YLPM1: variants seen among roughly 807,000 people sequenced by gnomAD.
YLPM1 encodes YLP motif-containing protein 1.
A neutral mutation model predicts 230.0 loss-of-function variants in YLPM1; 99 were observed. That is an observed-to-expected ratio of 0.43 (90% CI 0.37 to 0.51). The LOEUF is 0.51. Among genes scored for constraint, YLPM1 ranks in the 20% least tolerant of loss-of-function variants. The probability of loss-of-function intolerance (pLI) is 0.00; values close to 1 mark genes in which losing one functional copy is unlikely to be tolerated. For missense variants in YLPM1, 2,592 were observed against 2,707.7 expected (o/e 0.96, Z 0.95); for synonymous variants, 984 against 942.5 (o/e 1.04, Z -0.81).
Position 74,821,107 on chromosome 14 carries a change from G to C in YLPM1, c.6081G>C (p.Lys2027Asn). 1 of 1,547,334 alleles carries C rather than the reference G, an allele frequency of 6.5e-7. No homozygotes were observed. The highest frequency in any genetic ancestry group is 2.4e-5 in the East Asian group (1 of 40,890). Residue 2027 changes from lysine to asparagine, a missense_variant, in exon 17 of 21, where the codon AAG (lysine) becomes AAC (asparagine). Lys to Asn is a moderately conservative substitution (Grantham distance 94, BLOSUM62 0). Transcript: ENST00000325680. ...ATATCGAAGAACAGAAAGAAGAAAA[G>C]AAAGATGCAGAGGAAGAGGAAAGCG... is the stretch of plus-strand genomic sequence containing the variant. ...DANIEEQKEE[K>N]KDAEEEESEL...
In YLPM1 at chr14:74,798,744, GCCT is replaced by G; in HGVS notation, c.3448_3450del (p.Pro1150del). 4 of 1,613,360 alleles carry G rather than the reference GCCT, an allele frequency of 2.5e-6. No homozygotes were observed. Among genetic ancestry groups the G allele is most frequent in the Non-Finnish European group, 3.4e-6 (4 of 1,179,456 alleles). On this transcript the variant is annotated inframe_deletion, in exon 5 of 21. Transcript: ENST00000325680. Reference sequence around the variant, plus strand: ...GCAGGGAGAGAGGACCACCTCGAGGGCCTGGCAGTCGAGAAAGGGGACTGGGAA... The same window carrying G: ...GCAGGGAGAGAGGACCACCTCGAGGGGGCAGTCGAGAAAGGGGACTGGGAA...
At chr14:74,811,378 G>A (rs2091432877) in intron 9 of YLPM1, among the ~76,000 whole-genome samples, 1 of 151,988 alleles carries the variant, frequency 6.6e-6, no homozygotes, top group South Asian at 2.1e-4. Context: ...AGCTACTCAG[G>A]AGGCTGAGAT....
chr14:74,803,000 T>C (rs1330582585), intron 6 of YLPM1, among the ~76,000 whole-genome samples: 2 of 152,006 alleles, frequency 1.3e-5, no homozygotes. Context: ...GGCTCACACC[T>C]GTAATTCTAG....
chr14:74,835,397 A>C lies in YLPM1; in HGVS notation c.6427A>C (p.Thr2143Pro). Reference protein sequence around the residue: ...GHLAEKALNRTKYI With the variant: ...GHLAEKALNRPKYI ...CCTGGCTGAAAAAGCCCTCAATCGA[A>C]CCAAATATATATGAGACTTAGTTTT... The change falls in exon 20 of 21, where the codon ACC (threonine) becomes CCC (proline). Residue 2143 changes from threonine to proline, a missense_variant. Coordinates refer to ENST00000325680, the MANE Select transcript of YLPM1 (RefSeq NM_019589.3). 6.2e-7 allele frequency: 1 copy of C among 1,613,596 alleles called. No homozygotes were observed. The highest frequency in any genetic ancestry group is 1.1e-5 in the South Asian group (1 of 91,078).
chr14:74,773,172 C>G (rs2090996454), intron 1 of YLPM1, among the ~76,000 whole-genome samples: 1 of 152,136 alleles, frequency 6.6e-6, no homozygotes, highest in Admixed American at 6.5e-5. Flanking sequence ...CCTGTAGTCC[C>G]AACTACTCAG....
intron 17 of YLPM1, among the ~76,000 whole-genome samples, chr14:74,822,490 AC>A (rs1475033654): frequency 6.6e-6 from 1 of 152,202 alleles, no homozygotes; most frequent in East Asian, 1.9e-4. Context: ...TTAAAATTCT[AC>A]CCTGCTGGAT....
At chr14:74,817,407 T>A in intron 15 of YLPM1, 130 bp downstream of exon 15, 1 of 873,802 alleles carries the variant, frequency 1.1e-6, no homozygotes, top group Non-Finnish European at 1.7e-6. Context: ...TTTTCTGTGT[T>A]TAGATATGTT....
chr14:74,813,753 T>C (rs1176435099), intron 11 of YLPM1, among the ~76,000 whole-genome samples: 1 of 152,204 alleles, frequency 6.6e-6, no homozygotes, highest in Middle Eastern at 3.2e-3. Context: ...ATGGCTTAAT[T>C]TCATTTTTGG....
chr14:74,797,062 C>T (rs1398649395), intron 4 of YLPM1, among the ~76,000 whole-genome samples: 2 of 146,064 alleles, frequency 1.4e-5, no homozygotes, highest in Non-Finnish European at 3.0e-5. Context: ...ACCTCTGCCT[C>T]CCAGGTTCAA....
chr14:74,825,150 A>G (rs1204959752), intron 18 of YLPM1, among the ~76,000 whole-genome samples: 1 of 152,162 alleles, frequency 6.6e-6, no homozygotes, highest in African/African-American at 2.4e-5. Context: ...CTCCAAAACT[A>G]AAGGAACCAT....
rs930663972 is a variant in YLPM1, at chr14:74,810,495, A to G, written c.5228+75A>G. The G allele has an allele frequency of 4.2e-6, 6 of 1,440,328 alleles. No individual in the cohort carries two copies. The African/African-American group carries it at 7.1e-5, about 17-fold the overall frequency. 89.2% of individuals were successfully genotyped at this position (1,440,328 alleles called of 1,614,324 possible). ...ACAGTAAAAGTTTAAGAGAAATTTA[A>G]TAAGTAACATATTCTTCTCATGCAT... On this transcript the variant is annotated intron_variant, in intron 9 of 20. Transcript: ENST00000325680.
intron 1 of YLPM1, among the ~76,000 whole-genome samples, chr14:74,777,080 A>G (rs1594811360): frequency 6.6e-6 from 1 of 151,726 alleles, no homozygotes; most frequent in Non-Finnish European, 1.5e-5. Flanking sequence ...AAAAAATTTT[A>G]GCAAGTAGGC....
At position 74,827,866 on chromosome 14, in the gene YLPM1, A is replaced by G. The variant is rs918225659; in HGVS notation, c.6164-1347A>G. ...TCATGTATAATACGGCCCGTCATAT[A>G]CACGTAGATAGAGCCATGTGATTCC... On this transcript the variant is annotated intron_variant, in intron 18 of 20. Transcript: ENST00000325680. 4 of 985,270 alleles carry G rather than the reference A, an allele frequency of 4.1e-6. No homozygotes were observed. The African/African-American group carries it at 5.2e-5, about 13-fold the overall frequency. The allele number at this position is 985,270 out of a possible 1,614,324, so 61.0% of individuals were successfully genotyped here.
At position 74,809,708 on chromosome 14, in the gene YLPM1, T is replaced by C. The variant is rs766139406; in HGVS notation, c.4850T>C (p.Ile1617Thr). ...CCACCCCCACCTGTTCACTCTTCCA[T>C]TCCCCCTCCTGGCCCAGTGCCTATG... is the stretch of plus-strand genomic sequence containing the variant. Reference protein sequence around the residue: ...VLPPPPVHSSIPPPGPVPMGM... With the variant: ...VLPPPPVHSSTPPPGPVPMGM... Residue 1617 changes from isoleucine (I) to threonine (T), a missense_variant, in exon 7 of 21, where the codon ATT (isoleucine) becomes ACT (threonine). This residue lies in a region of YLPM1 where 403 missense variants were observed against 426.7 expected (regional missense o/e 0.94). Coordinates refer to ENST00000325680, the MANE Select transcript of YLPM1 (RefSeq NM_019589.3). The C allele has an allele frequency of 6.2e-7, 1 of 1,614,038 alleles. No homozygotes were observed. Among genetic ancestry groups the C allele is most frequent in the South Asian group, 1.1e-5 (1 of 91,084 alleles).
At chr14:74,824,008 C>G (rs2091543849) in intron 17 of YLPM1, 2 of 412,784 alleles carry the variant, frequency 4.8e-6, no homozygotes, top group African/African-American at 4.1e-5. Flanking sequence ...TGAACTGTAG[C>G]TGCCTCAAAG....
chr14:74,819,323 G>T (rs11845177), intron 16 of YLPM1, among the ~76,000 whole-genome samples: 21,334 of 128,472 alleles, frequency 0.17, 1,675 homozygotes, highest in South Asian at 0.33. Context: ...CACCTAGATT[G>T]TAGTGCAGTG....
chr14:74,793,025 C>G (rs1458699670), intron 4 of YLPM1, among the ~76,000 whole-genome samples: 1 of 152,140 alleles, frequency 6.6e-6, no homozygotes, highest in Non-Finnish European at 1.5e-5. Context: ...GATCATTGTT[C>G]TATTTTGTTC....
At chr14:74,829,819 G>A (rs542233136) in intron 19 of YLPM1, among the ~76,000 whole-genome samples, 2 of 152,320 alleles carry the variant, frequency 1.3e-5, no homozygotes, top group South Asian at 2.1e-4. Flanking sequence ...TGAGAGAAAT[G>A]ATTTAAGTTC....
At chr14:74,831,599 G>A (rs1309377899) in intron 19 of YLPM1, among the ~76,000 whole-genome samples, 2 of 152,238 alleles carry the variant, frequency 1.3e-5, no homozygotes, top group South Asian at 4.1e-4. Context: ...TGACCAAAGA[G>A]AACTGAGTGG....
Sources: gnomAD v4.1 joint callset for allele counts (sites outside exome capture counted in the v4.1 genomes callset) on GRCh38, gnomAD v4.1.1 for gene constraint, gnomAD v4.1.1 regional missense constraint, MANE v1.5 for transcripts, NCBI Gene and HGNC (gene_info 2026-07-23, HGNC 2026-07-21) for gene names.